DOCK9: variants seen among roughly 807,000 people sequenced by gnomAD.
DOCK9 encodes dedicator of cytokinesis protein 9.
Under a neutral mutation model 263.3 loss-of-function variants are expected in DOCK9, and 89 were observed. That is an observed-to-expected ratio of 0.34 (90% CI 0.28 to 0.40). The LOEUF is 0.40. Among genes scored for constraint, DOCK9 ranks in the 10% least tolerant of loss-of-function variants. The pLI, the probability that DOCK9 is intolerant of heterozygous loss-of-function variation, is 1.00. For missense variants in DOCK9, 2,140 were observed against 2,603.4 expected (o/e 0.82, Z 3.87); for synonymous variants, 976 against 973.1 (o/e 1.00, Z -0.06).
At chr13:98,971,389 CT>C (rs2059710989) in intron 1 of DOCK9, among the ~76,000 whole-genome samples, 1 of 152,132 alleles carries the variant, frequency 6.6e-6, no homozygotes, top group South Asian at 2.1e-4. Flanking sequence ...CAGGATTAAC[CT>C]GGATCATCTA....
At chr13:99,077,739 C>T (rs550805679) in intron 1 of DOCK9, among the ~76,000 whole-genome samples, 33 of 152,258 alleles carry the variant, frequency 2.2e-4, no homozygotes, top group Non-Finnish European at 3.1e-4. Flanking sequence ...TCCTGGAGTT[C>T]GGTGCTGCCA....
chr13:98,808,985 T>C (rs2091017551), intron 47 of DOCK9: 3 of 1,175,376 alleles, frequency 2.6e-6, no homozygotes, highest in Non-Finnish European at 3.5e-6. Context: ...TTTATTTCTG[T>C]AAATGGAATA....
chr13:98,892,229 T>G (rs2046731829), intron 15 of DOCK9, among the ~76,000 whole-genome samples: 1 of 152,122 alleles, frequency 6.6e-6, no homozygotes, highest in African/African-American at 2.4e-5. Flanking sequence ...AATTTTCCCT[T>G]CCCACTGCCC....
At chr13:98,801,195 A>G (rs772304) in intron 49 of DOCK9, among the ~76,000 whole-genome samples, 152,301 of 152,310 alleles carry the variant, frequency 1, 76,146 homozygotes, top group Middle Eastern at 1. Context: ...AGGCTGACAC[A>G]GGAGGCTTGA....
intron 1 of DOCK9, among the ~76,000 whole-genome samples, chr13:99,075,633 G>A (rs1011518210): frequency 6.6e-6 from 1 of 151,384 alleles, no homozygotes; most frequent in East Asian, 1.9e-4. Context: ...CCAAAGTGCT[G>A]TGATTACAGG....
In DOCK9 at chr13:98,888,820, T is replaced by G. The variant is rs1302520850; in HGVS notation, c.1710-109A>C. 4.4e-6 allele frequency: 4 copies of G among 914,834 alleles called. No individual in the cohort carries two copies. The East Asian group carries it at 9.8e-5, about 22-fold the overall frequency. The allele number at this position is 914,834 out of a possible 1,614,324, so 56.7% of individuals were successfully genotyped here. A position where few individuals can be genotyped will look rare whatever the true frequency, so the allele number is the denominator to read the frequency against. Reference sequence around the variant, plus strand: ...ATAAAGCAAGCCATAAAGACAATTTTAAACATTCTAGTAGCCTCATGAAAA... The same window carrying G: ...ATAAAGCAAGCCATAAAGACAATTTGAAACATTCTAGTAGCCTCATGAAAA... On this transcript the variant is annotated intron_variant, in intron 15 of 52. Coordinates refer to ENST00000682017, the MANE Select transcript of DOCK9 (RefSeq NM_001366683.2).
chr13:98,927,528 T>C (rs1251343141), intron 3 of DOCK9, among the ~76,000 whole-genome samples: 2 of 152,170 alleles, frequency 1.3e-5, no homozygotes, highest in Non-Finnish European at 2.9e-5. Context: ...TATTCTGAAG[T>C]ATAAAATGTA....
chr13:99,000,732 C>G (rs1882126846), intron 1 of DOCK9, among the ~76,000 whole-genome samples: 1 of 152,182 alleles, frequency 6.6e-6, no homozygotes, highest in Non-Finnish European at 1.5e-5. Context: ...ACCTCCAGTG[C>G]CACCCTCAGT....
chr13:98,824,542 A>G, intron 44 of DOCK9, 38 bp from the exon 45 acceptor site: 1 of 1,577,186 alleles, frequency 6.3e-7, no homozygotes, highest in Non-Finnish European at 8.7e-7. Flanking sequence ...AGAGTTAGGA[A>G]CCTGAACGTG....
At chr13:98,914,220 A>G in intron 9 of DOCK9, 108 bp downstream of exon 9, 1 of 935,844 alleles carries the variant, frequency 1.1e-6, no homozygotes, top group Non-Finnish European at 1.6e-6. Context: ...AGAGGTAATC[A>G]CAATGTAATT....
At chr13:98,838,168 C>G (rs1471475788) in intron 38 of DOCK9, among the ~76,000 whole-genome samples, 2 of 152,184 alleles carry the variant, frequency 1.3e-5, no homozygotes, top group Non-Finnish European at 2.9e-5. Context: ...AGCCTGAGAT[C>G]AGGCTGCTGG....
Position 98,902,532 on chromosome 13 carries a change from A to G in DOCK9, c.1177-41T>C, listed in dbSNP as rs773292151. On this transcript the variant is annotated intron_variant, in intron 11 of 52. Coordinates refer to ENST00000682017, the MANE Select transcript of DOCK9 (RefSeq NM_001366683.2). ...CAATCCAATGATCACCATGGCTCAAACAGGGACAAAAGAATGTTGCTATCA... is the reference window on the plus strand; with the variant it reads ...CAATCCAATGATCACCATGGCTCAAGCAGGGACAAAAGAATGTTGCTATCA... The G allele has an allele frequency of 7.0e-6, 11 of 1,578,566 alleles. No homozygotes were observed. In the South Asian group the frequency reaches 1.1e-4, roughly 16 times the overall value.
intron 13 of DOCK9, among the ~76,000 whole-genome samples, chr13:98,899,908 A>G (rs2048018428): frequency 1.3e-5 from 2 of 152,156 alleles, no homozygotes; most frequent in African/African-American, 2.4e-5. Context: ...CTCTATTCAC[A>G]GGAGATACCT....
intron 1 of DOCK9, among the ~76,000 whole-genome samples, chr13:99,000,022 TAC>T (rs1567190597): frequency 2.0e-5 from 3 of 152,166 alleles, no homozygotes; most frequent in Non-Finnish European, 2.9e-5. Flanking sequence ...TAAGACGATA[TAC>T]ACTTTTGGGG....
At chr13:99,025,781 T>C (rs1430584991) in intron 1 of DOCK9, among the ~76,000 whole-genome samples, 1 of 152,116 alleles carries the variant, frequency 6.6e-6, no homozygotes, top group Non-Finnish European at 1.5e-5. Flanking sequence ...TAAACAAAAA[T>C]TGGAAACAAC....
At chr13:98,865,919 A>G (rs2094007303) in intron 30 of DOCK9, among the ~76,000 whole-genome samples, 1 of 150,376 alleles carries the variant, frequency 6.6e-6, no homozygotes, top group African/African-American at 2.5e-5. Context: ...GGGTGGCATG[A>G]TATGTTTGAG....
At chr13:98,867,316 A>G in intron 30 of DOCK9, 109 bp downstream of exon 30, 1 of 716,772 alleles carries the variant, frequency 1.4e-6, no homozygotes, top group Non-Finnish European at 2.3e-6. Context: ...TAATTCATCA[A>G]TGAAAAAAAT....
At chr13:98,913,089 A>G (rs1292678663) in intron 9 of DOCK9, among the ~76,000 whole-genome samples, 1 of 152,230 alleles carries the variant, frequency 6.6e-6, no homozygotes, top group Non-Finnish European at 1.5e-5. Flanking sequence ...GTAGCAGTCA[A>G]GTCCTAAAGA....
intron 6 of DOCK9, among the ~76,000 whole-genome samples, chr13:98,921,802 G>A (rs2052041597): frequency 6.6e-6 from 1 of 152,176 alleles, no homozygotes; most frequent in South Asian, 2.1e-4. Flanking sequence ...GAAAGCCTAT[G>A]TCAGTGTCTG....
Sources: gnomAD v4.1 joint callset for allele counts (sites outside exome capture counted in the v4.1 genomes callset) on GRCh38, gnomAD v4.1.1 for gene constraint, MANE v1.5 for transcripts, NCBI Gene and HGNC (gene_info 2026-07-23, HGNC 2026-07-21) for gene names.